The following TBL1XR1 variants were observed in gnomAD, a reference collection of about 807,000 sequenced individuals.
The protein encoded by TBL1XR1 is TBL1X/Y related 1.
Under a neutral mutation model 66.9 loss-of-function variants are expected in TBL1XR1, and 5 were observed. The ratio of observed to expected loss-of-function variants is 0.07; its 90% CI spans 0.04 to 0.16. TBL1XR1 has a LOEUF of 0.16. TBL1XR1 is among the 10% of genes least tolerant of loss of function. TBL1XR1 has a pLI of 1.00. For missense variants in TBL1XR1, 238 were observed against 623.2 expected, an observed-to-expected ratio of 0.38 and a Z score of 6.58; for synonymous variants, 210 against 206.0, an observed-to-expected ratio of 1.02 and a Z score of -0.17.
At chr3:177,030,324 T>C (rs1284314614) in intron 14 of TBL1XR1, among the ~76,000 whole-genome samples, 1 of 151,776 alleles carries the variant, frequency 6.6e-6, no homozygotes, top group African/African-American at 2.4e-5. Context: ...TATATTCATA[T>C]AATGCTCTGG....
At chr3:177,136,888 A>C (rs1455184472) in intron 1 of TBL1XR1, among the ~76,000 whole-genome samples, 1 of 152,298 alleles carries the variant, frequency 6.6e-6, no homozygotes, top group Admixed American at 6.5e-5. Context: ...ACTAAAGACA[A>C]TTACTCAATA....
intron 2 of TBL1XR1, among the ~76,000 whole-genome samples, chr3:177,082,986 C>A (rs938145561): frequency 9.2e-5 from 14 of 151,426 alleles, no homozygotes; most frequent in African/African-American, 3.4e-4. Flanking sequence ...TCTCGATCTC[C>A]TGACCTCGTG....
chr3:177,196,324 G>C (rs1193242458), intron 1 of TBL1XR1: 1 of 152,030 alleles, frequency 6.6e-6, no homozygotes, highest in African/African-American at 2.4e-5. Context: ...GTGACTCTGT[G>C]CCACCCAAAA....
chr3:177,112,522 T>TAA (rs1725781017), intron 1 of TBL1XR1, among the ~76,000 whole-genome samples: 1 of 152,192 alleles, frequency 6.6e-6, no homozygotes, highest in East Asian at 1.9e-4. Context: ...CGGAAATGGT[T>TAA]AAACATTCTT....
intron 1 of TBL1XR1, among the ~76,000 whole-genome samples, chr3:177,147,081 C>CT (rs1414022595): frequency 2.0e-5 from 3 of 150,002 alleles, no homozygotes; most frequent in Non-Finnish European, 4.4e-5. Context: ...TAGTCTTACT[C>CT]TATCACCCAG....
rs1009660960 is a variant in TBL1XR1, at chr3:177,078,675, T to C, written c.-45-13653A>G. ...ATAAAACAATATCGGCTGGGTGCGG[T>C]GGCTCACGTCTGTAATCCCAAACCT... On this transcript the variant is annotated intron_variant, in intron 2 of 15. Coordinates refer to ENST00000457928, the MANE Select transcript of TBL1XR1 (RefSeq NM_024665.7). The C allele has an allele frequency of 1.6e-4, 24 of 151,882 alleles. 1 individual carries two copies. Among genetic ancestry groups the C allele is most frequent in the East Asian group, 5.8e-4 (3 of 5,158 alleles). The allele number at this position is 151,882 out of a possible 1,614,324, so 9.4% of individuals were successfully genotyped here.
intron 1 of TBL1XR1, among the ~76,000 whole-genome samples, chr3:177,106,334 A>AG (rs1196305369): frequency 6.6e-6 from 1 of 152,214 alleles, no homozygotes; most frequent in East Asian, 1.9e-4. Flanking sequence ...TGATTCATCA[A>AG]GGAAGTTCTA....
At chr3:177,190,923 T>C (rs889040238) in intron 1 of TBL1XR1, among the ~76,000 whole-genome samples, 1 of 152,246 alleles carries the variant, frequency 6.6e-6, no homozygotes, top group Non-Finnish European at 1.5e-5. Flanking sequence ...TAAACAGTTA[T>C]GGGATTTGTG....
intron 1 of TBL1XR1, among the ~76,000 whole-genome samples, chr3:177,135,543 C>T (rs1461487975): frequency 6.6e-6 from 1 of 150,682 alleles, no homozygotes; most frequent in Non-Finnish European, 1.5e-5. Flanking sequence ...GCCACCACGC[C>T]TGGCTAATTT....
chr3:177,073,682 A>C (rs2108575675), intron 2 of TBL1XR1, among the ~76,000 whole-genome samples: 1 of 152,304 alleles, frequency 6.6e-6, no homozygotes, highest in South Asian at 2.1e-4. Context: ...ATAGAAATCC[A>C]TTAATATAAA....
intron 2 of TBL1XR1, among the ~76,000 whole-genome samples, chr3:177,067,209 A>G (rs1470303987): frequency 2.0e-5 from 3 of 152,228 alleles, no homozygotes; most frequent in African/African-American, 4.8e-5. Context: ...TGATAAAATT[A>G]TAAGAAATTA....
chr3:177,055,515 T>G (rs1717685325), intron 3 of TBL1XR1, among the ~76,000 whole-genome samples: 1 of 132,158 alleles, frequency 7.6e-6, no homozygotes, highest in African/African-American at 2.9e-5. Flanking sequence ...AGTTTTCACC[T>G]TAATCTGGGC....
intron 1 of TBL1XR1, among the ~76,000 whole-genome samples, chr3:177,104,216 C>G (rs921269118): frequency 6.6e-6 from 1 of 151,652 alleles, no homozygotes; most frequent in Non-Finnish European, 1.5e-5. Context: ...GGAAAAGTCA[C>G]AGAAAAAGTT....
chr3:177,127,786 G>A (rs1331540307), intron 1 of TBL1XR1, among the ~76,000 whole-genome samples: 3 of 152,174 alleles, frequency 2.0e-5, no homozygotes, highest in Non-Finnish European at 4.4e-5. Context: ...CATTTTGGAT[G>A]GTAGTGTGGG....
intron 2 of TBL1XR1, among the ~76,000 whole-genome samples, chr3:177,090,118 G>A (rs1722640952): frequency 6.6e-6 from 1 of 152,178 alleles, no homozygotes; most frequent in Non-Finnish European, 1.5e-5. Context: ...CTGTGTAATG[G>A]AGTAGAATGC....
chr3:177,054,575 T>C (rs1038929634), intron 3 of TBL1XR1, among the ~76,000 whole-genome samples: 2 of 152,194 alleles, frequency 1.3e-5, no homozygotes, highest in African/African-American at 4.8e-5. Context: ...AATTTCTACA[T>C]ATAAATTGTC....
At position 177,047,288 on chromosome 3, in the gene TBL1XR1, A is replaced by T; in HGVS notation, c.864+12T>A. 6.5e-7 allele frequency: 1 copy of T among 1,545,354 alleles called. No individual in the cohort carries two copies. On this transcript the variant is annotated intron_variant, in intron 9 of 15. Coordinates refer to ENST00000457928, the MANE Select transcript of TBL1XR1 (RefSeq NM_024665.7). ...AATACATTTGCCTTTACAGAACTTA[A>T]TGAGCTTTTACCTTGTCTACTCCAG...
intron 1 of TBL1XR1, among the ~76,000 whole-genome samples, chr3:177,105,837 T>C (rs2108694134): frequency 6.6e-6 from 1 of 151,950 alleles, no homozygotes; most frequent in South Asian, 2.1e-4. Context: ...TGAGAACCAC[T>C]GGGTGGGGGT....
chr3:177,140,868 C>T (rs1459593476), intron 1 of TBL1XR1, among the ~76,000 whole-genome samples: 3 of 152,184 alleles, frequency 2.0e-5, no homozygotes, highest in Non-Finnish European at 4.4e-5. Context: ...CCTGCATAAA[C>T]ATTCTTAAAA....
Sources: gnomAD v4.1 joint callset for allele counts (sites outside exome capture counted in the v4.1 genomes callset) on GRCh38, gnomAD v4.1.1 for gene constraint, MANE v1.5 for transcripts, NCBI Gene and HGNC (gene_info 2026-07-23, HGNC 2026-07-21) for gene names.